EXOC6B: variants seen among roughly 807,000 people sequenced by gnomAD.
EXOC6B encodes the protein SEC15 homolog B.
EXOC6B carries 54 observed loss-of-function variants against 113.5 expected under a neutral mutation model. That is an observed-to-expected ratio of 0.48 (90% CI 0.38 to 0.60). The LOEUF (loss-of-function observed/expected upper bound fraction) is 0.60, where lower values mean the gene tolerates loss of function less well. EXOC6B is among the 20% of genes least tolerant of loss of function. The pLI is 0.00. For synonymous variants in EXOC6B, 357 were observed against 339.0 expected (o/e 1.05, Z -0.58); for missense variants, 797 against 977.5 (o/e 0.82, Z 2.46).
At chr2:72,624,685 G>T (rs2104216658) in intron 6 of EXOC6B, among the ~76,000 whole-genome samples, 1 of 152,260 alleles carries the variant, frequency 6.6e-6, no homozygotes, top group Middle Eastern at 3.4e-3. Flanking sequence ...CTTCAAAGCT[G>T]CAGTGAGCTA....
intron 20 of EXOC6B, among the ~76,000 whole-genome samples, chr2:72,247,142 A>G (rs1682714265): frequency 6.6e-6 from 1 of 152,224 alleles, no homozygotes; most frequent in African/African-American, 2.4e-5. Flanking sequence ...TTTATCATTA[A>G]GAATATGAAA....
chr2:72,655,150 C>T (rs2104421321), intron 6 of EXOC6B, among the ~76,000 whole-genome samples: 1 of 152,168 alleles, frequency 6.6e-6, no homozygotes, highest in South Asian at 2.1e-4. Flanking sequence ...ATTATTCAAA[C>T]AAGTAAACAG....
chr2:72,508,910 G>A (rs1030873783), intron 11 of EXOC6B, among the ~76,000 whole-genome samples: 3 of 152,122 alleles, frequency 2.0e-5, no homozygotes, highest in Admixed American at 6.5e-5. Flanking sequence ...AAATAAACCT[G>A]AGTGTATACA....
At chr2:72,563,712 A>C (rs920110307) in intron 7 of EXOC6B, among the ~76,000 whole-genome samples, 1 of 152,096 alleles carries the variant, frequency 6.6e-6, no homozygotes, top group Non-Finnish European at 1.5e-5. Context: ...GATTACAAAA[A>C]TTTTTACAAA....
chr2:72,494,664 C>G (rs1456899634), intron 15 of EXOC6B, among the ~76,000 whole-genome samples: 1 of 152,074 alleles, frequency 6.6e-6, no homozygotes, highest in Non-Finnish European at 1.5e-5. Context: ...TGTTTCCACC[C>G]TACAAAAGGA....
At chr2:72,650,902 C>CA (rs1201364712) in intron 6 of EXOC6B, among the ~76,000 whole-genome samples, 1 of 148,046 alleles carries the variant, frequency 6.8e-6, no homozygotes, top group Non-Finnish European at 1.5e-5. Flanking sequence ...AACAAAAAAA[C>CA]AAAAAACCCA....
At chr2:72,183,018 C>T (rs745589639) in intron 21 of EXOC6B, 6 of 582,142 alleles carry the variant, frequency 1.0e-5, no homozygotes, top group Admixed American at 4.4e-5. Flanking sequence ...AGTCTCTTGG[C>T]TCCAAATACA....
chr2:72,408,000 A>G (rs1239258045), intron 18 of EXOC6B, among the ~76,000 whole-genome samples: 1 of 152,224 alleles, frequency 6.6e-6, no homozygotes, highest in Admixed American at 6.5e-5. Flanking sequence ...TTAAGCTGAT[A>G]GGCAACTTCA....
intron 20 of EXOC6B, among the ~76,000 whole-genome samples, chr2:72,298,731 C>A (rs2104744282): frequency 6.6e-6 from 1 of 152,236 alleles, no homozygotes; most frequent in Admixed American, 6.5e-5. Flanking sequence ...TTTATTTCTC[C>A]TTCACTTATG....
intron 18 of EXOC6B, among the ~76,000 whole-genome samples, chr2:72,416,040 C>A (rs753312246): frequency 6.6e-6 from 1 of 152,136 alleles, no homozygotes; most frequent in South Asian, 2.1e-4. Flanking sequence ...TAATGTTACA[C>A]GTCAGCTGTC....
In EXOC6B at chr2:72,688,529, TGGGGCA is replaced by T. The variant is rs373465195; in HGVS notation, c.669+29568_669+29573del. Among the ~76,000 whole-genome samples the T allele has an allele frequency of 7.4e-4, 108 of 145,984 alleles. No individual in the cohort carries two copies. In the South Asian group the frequency reaches 8.3e-3, roughly 11 times the overall value. On this transcript the variant is annotated intron_variant, in intron 6 of 21. Coordinates refer to ENST00000272427, the MANE Select transcript of EXOC6B (RefSeq NM_015189.3). ...CCATGAGTTATGAGCTGAGGACTAC[TGGGGCA>T]GGGGCAGGGGCAGGGGCAGGGGGCA... is the stretch of plus-strand genomic sequence containing the variant.
chr2:72,296,548 T>A (rs1320338619), intron 20 of EXOC6B, among the ~76,000 whole-genome samples: 1 of 152,204 alleles, frequency 6.6e-6, no homozygotes, highest in African/African-American at 2.4e-5. Context: ...ATGATTATTT[T>A]TCTTTCTATT....
intron 19 of EXOC6B, among the ~76,000 whole-genome samples, chr2:72,347,011 A>G (rs1689373608): frequency 6.6e-6 from 1 of 152,190 alleles, no homozygotes; most frequent in African/African-American, 2.4e-5. Context: ...TAAATCTATT[A>G]TTTCAATATG....
intron 15 of EXOC6B, 76 bp downstream of exon 15, chr2:72,495,354 A>G (rs1479639389): frequency 3.7e-6 from 3 of 812,228 alleles, no homozygotes; most frequent in Non-Finnish European, 5.7e-6. Context: ...GGGACTATCA[A>G]AAGTTTTTCA....
chr2:72,647,752 T>A (rs949234150), intron 6 of EXOC6B, among the ~76,000 whole-genome samples: 2 of 152,214 alleles, frequency 1.3e-5, no homozygotes, highest in African/African-American at 4.8e-5. Flanking sequence ...ACTGGATCCC[T>A]TTCTTACACC....
At chr2:72,447,053 G>A (rs866434181) in intron 18 of EXOC6B, among the ~76,000 whole-genome samples, 10 of 150,938 alleles carry the variant, frequency 6.6e-5, no homozygotes, top group African/African-American at 2.4e-4. Context: ...GCAGTGAGCT[G>A]AAATCGCACC....
chr2:72,748,364 T>G (rs561755970), intron 1 of EXOC6B, among the ~76,000 whole-genome samples: 7 of 152,176 alleles, frequency 4.6e-5, no homozygotes, highest in Non-Finnish European at 7.4e-5. Context: ...GAAAAACAGA[T>G]TTGTGCATGA....
At chr2:72,581,844 G>A (rs192475706) in intron 6 of EXOC6B, among the ~76,000 whole-genome samples, 61 of 152,262 alleles carry the variant, frequency 4.0e-4, no homozygotes, top group African/African-American at 1.4e-3. Flanking sequence ...TGCTGGGTCT[G>A]ACCCCTCCCA....
chr2:72,207,152 T>G (rs1679888612), intron 20 of EXOC6B, among the ~76,000 whole-genome samples: 1 of 152,238 alleles, frequency 6.6e-6, no homozygotes, highest in Non-Finnish European at 1.5e-5. Context: ...TCACAGAATC[T>G]ATTTTTAACA....
Sources: gnomAD v4.1 joint callset for allele counts (sites outside exome capture counted in the v4.1 genomes callset) on GRCh38, gnomAD v4.1.1 for gene constraint, MANE v1.5 for transcripts, NCBI Gene and HGNC (gene_info 2026-07-23, HGNC 2026-07-21) for gene names.